Variants in GALNT13 observed in about 807,000 individuals in gnomAD.
GALNT13 encodes the protein UDP-GalNAc:polypeptide N-acetylgalactosaminyltransferase 13.
GALNT13 carries 28 observed loss-of-function variants against 64.2 expected under a neutral mutation model. The observed-to-expected ratio is 0.44, with a 90% CI of 0.32 to 0.60. GALNT13 has a LOEUF of 0.60. Ranked by LOEUF, GALNT13 falls within the 20% of genes least tolerant of loss-of-function variation. The pLI is 0.05. For synonymous variants in GALNT13, 214 were observed against 224.6 expected (o/e 0.95, Z 0.42); for missense variants, 577 against 669.8 (o/e 0.86, Z 1.53).
chr2:153,440,928 C>T, the GALNT13 span, among the ~76,000 whole-genome samples: 7 of 152,040 alleles, frequency 4.6e-5, no homozygotes, highest in Non-Finnish European at 1.0e-4. Context: ...GTTTCTTTTG[C>T]TGTGCAGAAG....
chr2:153,753,072 G>T, the GALNT13 span, among the ~76,000 whole-genome samples: 3 of 151,890 alleles, frequency 2.0e-5, no homozygotes, highest in Non-Finnish European at 2.9e-5. Context: ...GCATTTTTTA[G>T]CTCCCGAATT....
the GALNT13 span, among the ~76,000 whole-genome samples, chr2:153,180,918 C>T: frequency 4.4e-4 from 67 of 150,792 alleles, no homozygotes; most frequent in Middle Eastern, 0.01. Flanking sequence ...TTTTCTTAGT[C>T]GAGCTAAAGG....
intron 9 of GALNT13, among the ~76,000 whole-genome samples, chr2:154,338,273 G>T (rs1027608892): frequency 1.3e-5 from 2 of 152,070 alleles, no homozygotes; most frequent in Non-Finnish European, 2.9e-5. Flanking sequence ...TACAGTGTTT[G>T]TACCAAATTA....
At chr2:153,683,062 C>G in the GALNT13 span, among the ~76,000 whole-genome samples, 1,208 of 151,758 alleles carry the variant, frequency 8.0e-3, 12 homozygotes, top group African/African-American at 0.028. Flanking sequence ...ATACCTGAAG[C>G]AGAAATATGA....
At chr2:154,432,913 GA>G (rs1215165404) in intron 11 of GALNT13, among the ~76,000 whole-genome samples, 2 of 152,132 alleles carry the variant, frequency 1.3e-5, no homozygotes, top group African/African-American at 2.4e-5. Flanking sequence ...AGAATATGAA[GA>G]AGATTACAAG....
the GALNT13 span, among the ~76,000 whole-genome samples, chr2:153,792,537 T>C: frequency 6.6e-6 from 1 of 152,226 alleles, no homozygotes; most frequent in Non-Finnish European, 1.5e-5. Context: ...TTTAATTATT[T>C]AATTTGGGAT....
At chr2:153,177,494 T>C in the GALNT13 span, among the ~76,000 whole-genome samples, 1 of 152,108 alleles carries the variant, frequency 6.6e-6, no homozygotes, top group Non-Finnish European at 1.5e-5. Context: ...ATTAATACCT[T>C]AGTTAATGAG....
chr2:153,089,423 A>T, the GALNT13 span, among the ~76,000 whole-genome samples: 2 of 151,990 alleles, frequency 1.3e-5, no homozygotes, highest in African/African-American at 4.8e-5. Flanking sequence ...CTTTGTCTTG[A>T]CTTTAGATAA....
the GALNT13 span, among the ~76,000 whole-genome samples, chr2:153,283,145 G>C: frequency 6.6e-6 from 1 of 152,306 alleles, no homozygotes; most frequent in East Asian, 1.9e-4. Context: ...AGGGAGACAA[G>C]AAAAAGATGG....
the GALNT13 span, among the ~76,000 whole-genome samples, chr2:153,453,076 T>C: frequency 2.6e-5 from 4 of 152,148 alleles, no homozygotes; most frequent in Non-Finnish European, 5.9e-5. Flanking sequence ...TGCAGAAGAA[T>C]GAAACTAGAC....
intron 7 of GALNT13, among the ~76,000 whole-genome samples, chr2:154,254,514 C>A (rs1389639615): frequency 2.0e-5 from 3 of 151,460 alleles, no homozygotes; most frequent in Non-Finnish European, 2.9e-5. Flanking sequence ...CTAAGAGGAC[C>A]CCATTATTAG....
intron 4 of GALNT13, among the ~76,000 whole-genome samples, chr2:154,150,347 T>C (rs1683913134): frequency 6.6e-6 from 1 of 151,634 alleles, no homozygotes; most frequent in Non-Finnish European, 1.5e-5. Flanking sequence ...TTATTGAGGA[T>C]TTTTGCTTCA....
chr2:153,916,775 A>T (rs980294563), intron 2 of GALNT13, among the ~76,000 whole-genome samples: 1 of 129,210 alleles, frequency 7.7e-6, no homozygotes, highest in Admixed American at 8.0e-5. Flanking sequence ...TGACTAATAC[A>T]GATTGATAGA....
At chr2:153,845,480 G>A in the GALNT13 span, among the ~76,000 whole-genome samples, 2 of 152,194 alleles carry the variant, frequency 1.3e-5, no homozygotes, top group African/African-American at 4.8e-5. Flanking sequence ...TCAGATGAGA[G>A]CTCACTTATC....
chr2:153,651,456 T>G, the GALNT13 span, among the ~76,000 whole-genome samples: 1 of 152,304 alleles, frequency 6.6e-6, no homozygotes, highest in Non-Finnish European at 1.5e-5. Context: ...ATAGACAGTA[T>G]CATGTCCGTT....
intron 9 of GALNT13, among the ~76,000 whole-genome samples, chr2:154,343,695 C>T (rs1433018545): frequency 6.6e-6 from 1 of 152,050 alleles, no homozygotes; most frequent in African/African-American, 2.4e-5. Flanking sequence ...GATCTCAAAT[C>T]ATGGCTGTAA....
the GALNT13 span, among the ~76,000 whole-genome samples, chr2:153,162,381 G>A: frequency 6.6e-6 from 1 of 152,082 alleles, no homozygotes; most frequent in Non-Finnish European, 1.5e-5. Context: ...TTAAAATGAG[G>A]AACAGGAAGC....
intron 9 of GALNT13, among the ~76,000 whole-genome samples, chr2:154,373,801 G>A (rs977925845): frequency 6.6e-6 from 1 of 152,154 alleles, no homozygotes; most frequent in Non-Finnish European, 1.5e-5. Flanking sequence ...TAACAGGTGT[G>A]GCAGGAGTAC....
the GALNT13 span, among the ~76,000 whole-genome samples, chr2:153,296,311 T>C: frequency 1.3e-5 from 2 of 152,168 alleles, no homozygotes; most frequent in Admixed American, 1.3e-4. Context: ...AAAACTGTAA[T>C]AGTGAATAGA....
Sources: allele counts gnomAD v4.1 joint callset (sites outside exome capture counted in the v4.1 genomes callset), GRCh38; gene constraint gnomAD v4.1.1; transcripts MANE v1.5; gene names NCBI Gene and HGNC (gene_info 2026-07-23, HGNC 2026-07-21).